Variants in RANBP10 observed in about 807,000 individuals in gnomAD.
The protein encoded by RANBP10 is ran-binding protein 10.
A neutral mutation model predicts 72.8 loss-of-function variants in RANBP10; 24 were observed. The ratio of observed to expected loss-of-function variants is 0.33; its 90% CI spans 0.24 to 0.46. The LOEUF (loss-of-function observed/expected upper bound fraction) is 0.46, where lower values mean the gene tolerates loss of function less well. RANBP10 is among the 20% of genes least tolerant of loss of function. The pLI is 1.00. For synonymous variants in RANBP10, 310 were observed against 322.3 expected (o/e 0.96, Z 0.41); for missense variants, 679 against 817.5 (o/e 0.83, Z 2.07).
intron 2 of RANBP10, among the ~76,000 whole-genome samples, chr16:67,800,241 G>T (rs1278147124): frequency 6.6e-6 from 1 of 152,198 alleles, no homozygotes; most frequent in African/African-American, 2.4e-5. Context: ...CAGGAGCAAG[G>T]GAAGGCTGGC....
Position 67,733,088 on chromosome 16 carries a change from C to T in RANBP10, c.777-1504G>A, listed in dbSNP as rs1010888091. Among the ~76,000 whole-genome samples the T allele has an allele frequency of 4.9e-5, 7 of 142,102 alleles. No homozygotes were observed. The South Asian group carries it at 6.9e-4, about 14-fold the overall frequency. The allele number at this position is 142,102 out of a possible 152,430, so 93.2% of individuals were successfully genotyped here. On this transcript the variant is annotated intron_variant, in intron 6 of 13. Transcript: ENST00000317506. ...AAAAAAAAAAAAAAATTATTGGCTGCGTGTGGTGGCTCATGCCTGTAATCT... is the reference window on the plus strand; with the variant it reads ...AAAAAAAAAAAAAAATTATTGGCTGTGTGTGGTGGCTCATGCCTGTAATCT...
chr16:67,805,624 A>C, intron 1 of RANBP10, 85 bp from the exon 2 acceptor site: 2 of 1,078,966 alleles, frequency 1.9e-6, no homozygotes, highest in South Asian at 2.8e-5. Context: ...CTCCATGACA[A>C]CTCCACTCCT....
chr16:67,788,641 T>C (rs1300526524), intron 2 of RANBP10, among the ~76,000 whole-genome samples: 1 of 151,280 alleles, frequency 6.6e-6, no homozygotes. Flanking sequence ...CTGCCTGCCT[T>C]GGCCTCCCAA....
intron 3 of RANBP10, among the ~76,000 whole-genome samples, chr16:67,750,798 A>C (rs2054180941): frequency 8.5e-6 from 1 of 117,448 alleles, no homozygotes; most frequent in Admixed American, 1.3e-4. Context: ...ACGTAGTCTC[A>C]CTCTGTTGCC....
intron 2 of RANBP10, among the ~76,000 whole-genome samples, chr16:67,783,211 G>A (rs1370086019): frequency 6.6e-6 from 1 of 152,164 alleles, no homozygotes; most frequent in Non-Finnish European, 1.5e-5. Flanking sequence ...AGACAGATTT[G>A]GCACAGCTCC....
intron 3 of RANBP10, among the ~76,000 whole-genome samples, chr16:67,770,522 C>T (rs2054589298): frequency 6.6e-6 from 1 of 152,144 alleles, no homozygotes; most frequent in African/African-American, 2.4e-5. Context: ...GGAAAGCCAG[C>T]TGCCTTCTCT....
chr16:67,741,517 G>C (rs2053968885), intron 4 of RANBP10, among the ~76,000 whole-genome samples: 1 of 152,234 alleles, frequency 6.6e-6, no homozygotes, highest in South Asian at 2.1e-4. Flanking sequence ...AACAGACACA[G>C]GTCAGGGACC....
chr16:67,743,972 A>G (rs1229113154), intron 4 of RANBP10, among the ~76,000 whole-genome samples: 3 of 152,124 alleles, frequency 2.0e-5, no homozygotes, highest in Non-Finnish European at 4.4e-5. Context: ...CACGCAACCT[A>G]TGCAAGGGTT....
Position 67,727,775 on chromosome 16 carries a change from A to T in RANBP10, c.1596T>A (p.Asn532Lys), listed in dbSNP as rs374398746. The T allele has an allele frequency of 2.4e-4, 384 of 1,613,992 alleles. No individual in the cohort carries two copies. The highest frequency in any genetic ancestry group is 3.2e-4 in the Non-Finnish European group (376 of 1,180,032). The change falls in exon 12 of 14, where the codon AAT (asparagine) becomes AAA (lysine). Residue 532 changes from asparagine (N) to lysine (K), a missense_variant. By Grantham distance (94) the Asn-to-Lys change is moderately conservative. Coordinates refer to ENST00000317506, the MANE Select transcript of RANBP10 (RefSeq NM_020850.3). The stretch of plus-strand genomic sequence containing the variant: ...CCTGCAGCATCTCTGTGTGGGCCAA[A>T]TTCTTGCCGTACTCCCGGCCCAACT... ...SEQLGREYGK[N>K]LAHTEMLQDA...
chr16:67,775,284 C>G (rs2143013561), intron 2 of RANBP10, among the ~76,000 whole-genome samples: 2 of 152,160 alleles, frequency 1.3e-5, no homozygotes, highest in Non-Finnish European at 2.9e-5. Context: ...GCATTCCAGT[C>G]TGGGTGACAA....
intron 3 of RANBP10, among the ~76,000 whole-genome samples, chr16:67,764,894 C>A (rs1281408301): frequency 1.3e-5 from 2 of 152,068 alleles, no homozygotes; most frequent in Non-Finnish European, 2.9e-5. Flanking sequence ...AGGCATGTTG[C>A]TAATGAAATC....
chr16:67,786,745 T>A lies in RANBP10; in HGVS notation c.348-14659A>T, dbSNP rs369794106. On this transcript the variant is annotated intron_variant, in intron 2 of 13. Transcript: ENST00000317506. Reference sequence around the variant, plus strand: ...GAGTTCGAGGACAGCCTGGCCAACTTGGTGAAACCTGTCTCTACTAAAAAT... The same window carrying A: ...GAGTTCGAGGACAGCCTGGCCAACTAGGTGAAACCTGTCTCTACTAAAAAT... Among the ~76,000 whole-genome samples, 20 of 151,642 alleles carry A rather than the reference T, an allele frequency of 1.3e-4. No individual in the cohort carries two copies. The East Asian group carries it at 2.7e-3, about 21-fold the overall frequency.
intron 2 of RANBP10, among the ~76,000 whole-genome samples, chr16:67,789,334 G>A (rs2054982059): frequency 6.6e-6 from 1 of 151,194 alleles, no homozygotes; most frequent in Admixed American, 6.6e-5. Flanking sequence ...ATGTACCCAG[G>A]CATGGTGGCA....
intron 7 of RANBP10, 117 bp downstream of exon 7, chr16:67,731,354 TG>T (rs2053727155): frequency 1.3e-6 from 1 of 780,924 alleles, no homozygotes; most frequent in Non-Finnish European, 2.2e-6. Flanking sequence ...AGCTGCAAGC[TG>T]GTCATGAGGA....
At chr16:67,772,225 G>A in intron 2 of RANBP10, 139 bp from the exon 3 acceptor site, 1 of 844,914 alleles carries the variant, frequency 1.2e-6, no homozygotes, top group Non-Finnish European at 1.8e-6. Context: ...CATACTAATG[G>A]TTCTTGGAGA....
intron 3 of RANBP10, among the ~76,000 whole-genome samples, chr16:67,753,308 C>A (rs1325386726): frequency 6.6e-6 from 1 of 151,938 alleles, no homozygotes; most frequent in African/African-American, 2.4e-5. Flanking sequence ...GAGTTTGAGA[C>A]CATCCTGGAC....
In RANBP10 at chr16:67,729,434, G is replaced by C. The variant is rs752703194; in HGVS notation, c.1198C>G (p.Gln400Glu). 7.2e-5 allele frequency: 117 copies of C among 1,613,880 alleles called. No homozygotes were observed. Among genetic ancestry groups the C allele is most frequent in the Non-Finnish European group, 9.8e-5 (116 of 1,180,000 alleles). The part of the protein sequence containing the change: ...SNGVASTKSK[Q>E]NHSKYPAPSS... Reference sequence around the variant, plus strand: ...GGTGCAGGGTATTTACTGTGGTTCTGTTTGCTCTTGGTGGACGCGACGCCA... The same window carrying C: ...GGTGCAGGGTATTTACTGTGGTTCTCTTTGCTCTTGGTGGACGCGACGCCA... The change falls in exon 10 of 14, where the codon CAG becomes GAG. Residue 400 changes from glutamine (Q) to glutamate (E), a missense_variant. Physicochemically the swap from Gln to Glu is conservative, Grantham distance 29. Transcript: ENST00000317506. The surrounding 1 kb of genome is among the most constrained non-coding windows in gnomAD (Gnocchi z 7.1).
chr16:67,746,389 G>A (rs1260025428), intron 3 of RANBP10, among the ~76,000 whole-genome samples: 4 of 151,852 alleles, frequency 2.6e-5, no homozygotes, highest in African/African-American at 7.3e-5. Context: ...GCTGAGGCAG[G>A]AGAATGGCAT....
intron 4 of RANBP10, among the ~76,000 whole-genome samples, chr16:67,741,572 G>C (rs1389785575): frequency 6.6e-6 from 1 of 152,238 alleles, no homozygotes; most frequent in Admixed American, 6.5e-5. Context: ...GCACAGAGTT[G>C]TGTGGAAATG....
Sources: gnomAD v4.1 joint callset for allele counts (sites outside exome capture counted in the v4.1 genomes callset) on GRCh38, gnomAD v4.1.1 for gene constraint, Gnocchi (gnomAD v3.1) non-coding constraint, MANE v1.5 for transcripts, NCBI Gene and HGNC (gene_info 2026-07-23, HGNC 2026-07-21) for gene names.